The following SORCS3 variants were observed in gnomAD, a reference collection of about 807,000 sequenced individuals.
SORCS3 encodes sortilin related VPS10 domain containing receptor 3.
In SORCS3, 57 loss-of-function variants were observed where a neutral mutation model predicts 146.3. The ratio of observed to expected loss-of-function variants is 0.39; its 90% CI spans 0.31 to 0.49. SORCS3 has a LOEUF of 0.49. Among genes scored for constraint, SORCS3 ranks in the 20% least tolerant of loss-of-function variants. The probability of loss-of-function intolerance (pLI) is 0.92; values close to 1 mark genes in which losing one functional copy is unlikely to be tolerated. For synonymous variants in SORCS3, 653 were observed against 618.5 expected (o/e 1.06, Z -0.83); for missense variants, 1,341 against 1,575.5 (o/e 0.85, Z 2.52).
intron 1 of SORCS3, among the ~76,000 whole-genome samples, chr10:104,680,356 A>G (rs1190079134): frequency 1.3e-5 from 2 of 152,232 alleles, no homozygotes; most frequent in Admixed American, 1.3e-4. Context: ...GGTGGTCCCC[A>G]TCAGGACTTA....
At chr10:105,111,560 T>G (rs887680164) in intron 7 of SORCS3, among the ~76,000 whole-genome samples, 1 of 152,220 alleles carries the variant, frequency 6.6e-6, no homozygotes, top group African/African-American at 2.4e-5. Context: ...TGACAATTGC[T>G]CAATGCGTAA....
chr10:104,885,170 G>GTC (rs1381753844), intron 2 of SORCS3, among the ~76,000 whole-genome samples: 1 of 152,162 alleles, frequency 6.6e-6, no homozygotes, highest in African/African-American at 2.4e-5. Flanking sequence ...AGGGAGCACT[G>GTC]TCTCAGGTCT....
At chr10:105,061,739 G>C (rs1186989942) in intron 5 of SORCS3, among the ~76,000 whole-genome samples, 1 of 152,060 alleles carries the variant, frequency 6.6e-6, no homozygotes, top group Admixed American at 6.6e-5. Context: ...TATGGCATGG[G>C]TGGAGAAAGA....
chr10:104,795,996 C>T (rs1329057541), intron 1 of SORCS3, among the ~76,000 whole-genome samples: 1 of 152,178 alleles, frequency 6.6e-6, no homozygotes, highest in Non-Finnish European at 1.5e-5. Flanking sequence ...CTGCTTTGGA[C>T]CCAGGAACCT....
At chr10:104,737,077 A>G (rs1201201122) in intron 1 of SORCS3, among the ~76,000 whole-genome samples, 5 of 152,064 alleles carry the variant, frequency 3.3e-5, no homozygotes, top group South Asian at 2.1e-4. Context: ...ATGATTTCCA[A>G]TTTCATCCAT....
intron 16 of SORCS3, among the ~76,000 whole-genome samples, chr10:105,210,560 G>C (rs925877557): frequency 2.6e-5 from 4 of 152,134 alleles, no homozygotes; most frequent in Non-Finnish European, 5.9e-5. Flanking sequence ...GGAGAAGAGG[G>C]GAAAGAAATA....
chr10:104,957,015 T>C (rs972621433), intron 3 of SORCS3, among the ~76,000 whole-genome samples: 1 of 152,114 alleles, frequency 6.6e-6, no homozygotes, highest in African/African-American at 2.4e-5. Context: ...ATATTCTCAA[T>C]TATCTCTTGT....
chr10:104,901,437 C>G (rs965386265), intron 2 of SORCS3, among the ~76,000 whole-genome samples: 2 of 152,226 alleles, frequency 1.3e-5, no homozygotes, highest in African/African-American at 4.8e-5. Flanking sequence ...GCTTCCTACT[C>G]ATTTATCCCT....
chr10:105,050,230 C>T (rs961598620), intron 5 of SORCS3, among the ~76,000 whole-genome samples: 2 of 152,064 alleles, frequency 1.3e-5, no homozygotes, highest in Non-Finnish European at 2.9e-5. Context: ...TCTGGAAATC[C>T]TGCCAGTCTA....
At chr10:104,653,706 A>T (rs1437803738) in intron 1 of SORCS3, among the ~76,000 whole-genome samples, 2 of 152,184 alleles carry the variant, frequency 1.3e-5, no homozygotes, top group Non-Finnish European at 2.9e-5. Flanking sequence ...TATTTATGCG[A>T]TACGTGAGAT....
chr10:105,089,697 T>A, intron 5 of SORCS3, 78 bp from the exon 6 acceptor site: 1 of 1,097,494 alleles, frequency 9.1e-7, no homozygotes, highest in Non-Finnish European at 1.4e-6. Flanking sequence ...TGAGTAGCAG[T>A]TGGCCCTGAG....
chr10:104,781,545 G>A (rs1009110073), intron 1 of SORCS3, among the ~76,000 whole-genome samples: 3 of 152,178 alleles, frequency 2.0e-5, no homozygotes, highest in South Asian at 2.1e-4. Flanking sequence ...TGTTAGTAGA[G>A]CATGTTGACT....
intron 2 of SORCS3, among the ~76,000 whole-genome samples, chr10:104,894,573 C>T (rs2018780435): frequency 6.6e-6 from 1 of 152,152 alleles, no homozygotes; most frequent in Non-Finnish European, 1.5e-5. Context: ...GAATCCCAGG[C>T]AGCCTGGCAG....
chr10:104,877,358 T>A (rs2133572848), intron 2 of SORCS3, among the ~76,000 whole-genome samples: 1 of 152,342 alleles, frequency 6.6e-6, no homozygotes, highest in South Asian at 2.1e-4. Context: ...TCCACAGTGA[T>A]CAATGTTTCT....
At chr10:104,922,223 T>G (rs1192302086) in intron 3 of SORCS3, among the ~76,000 whole-genome samples, 1 of 152,216 alleles carries the variant, frequency 6.6e-6, no homozygotes, top group South Asian at 2.1e-4. Context: ...GGAAAGTAAG[T>G]GGCAGGGTAA....
At chr10:105,064,141 T>G (rs903575274) in intron 5 of SORCS3, among the ~76,000 whole-genome samples, 2 of 152,348 alleles carry the variant, frequency 1.3e-5, no homozygotes, top group East Asian at 3.9e-4. Flanking sequence ...GTCTCTGCCC[T>G]CTTAGCACTT....
chr10:105,069,064 A>G (rs759559981), intron 5 of SORCS3, among the ~76,000 whole-genome samples: 1 of 152,222 alleles, frequency 6.6e-6, no homozygotes, highest in Admixed American at 6.5e-5. Context: ...TCAATATTAT[A>G]CAAATCCTTT....
chr10:105,100,897 A>G (rs1212599059), intron 6 of SORCS3, among the ~76,000 whole-genome samples: 1 of 152,244 alleles, frequency 6.6e-6, no homozygotes, highest in African/African-American at 2.4e-5. Flanking sequence ...TCCTGATGAC[A>G]GTCCTCAGAG....
chr10:105,070,394 G>C (rs1056145022), intron 5 of SORCS3, among the ~76,000 whole-genome samples: 9 of 152,224 alleles, frequency 5.9e-5, no homozygotes, highest in African/African-American at 2.2e-4. Context: ...TGTCTCCAGT[G>C]AGTGTCTCCT....
Sources: gnomAD v4.1 joint callset for allele counts (sites outside exome capture counted in the v4.1 genomes callset) on GRCh38, gnomAD v4.1.1 for gene constraint, MANE v1.5 for transcripts, NCBI Gene and HGNC (gene_info 2026-07-23, HGNC 2026-07-21) for gene names.